Variants in CSMD1 observed in about 807,000 individuals in gnomAD.
The protein encoded by CSMD1 is CUB and sushi domain-containing protein 1.
A neutral mutation model predicts 417.5 loss-of-function variants in CSMD1; 213 were observed. The ratio of observed to expected loss-of-function variants is 0.51; its 90% CI spans 0.46 to 0.57. The LOEUF is 0.57. CSMD1 is among the 20% of genes least tolerant of loss of function. The pLI, the probability that CSMD1 is intolerant of heterozygous loss-of-function variation, is 0.00. For synonymous variants in CSMD1, 2,862 were observed against 1,736.8 expected (o/e 1.65, Z -16.11); for missense variants, 6,923 against 4,529.7 (o/e 1.53, Z -15.17).
chr8:3,688,937 GTAAT>G (rs1800088792), intron 7 of CSMD1, among the ~76,000 whole-genome samples: 2 of 152,076 alleles, frequency 1.3e-5, no homozygotes, highest in Non-Finnish European at 2.9e-5. Context: ...TGAAAATTAA[GTAAT>G]TAAATGAATG....
chr8:3,076,464 G>T (rs1813697079), intron 49 of CSMD1, among the ~76,000 whole-genome samples: 1 of 86,826 alleles, frequency 1.2e-5, no homozygotes, highest in Non-Finnish European at 2.4e-5. Context: ...TTTTTGAGGG[G>T]ACTCAATTCA....
chr8:3,770,856 G>C (rs1002738359), intron 5 of CSMD1, among the ~76,000 whole-genome samples: 1 of 152,142 alleles, frequency 6.6e-6, no homozygotes, highest in African/African-American at 2.4e-5. Flanking sequence ...AAAAACAAAT[G>C]GTCCTGTAGC....
intron 60 of CSMD1, 104 bp from the exon 61 acceptor site, chr8:2,962,743 T>A: frequency 1.6e-6 from 2 of 1,241,284 alleles, no homozygotes; most frequent in Non-Finnish European, 2.2e-6. Flanking sequence ...CTTTAACTAT[T>A]AAACAAGAAA....
chr8:4,455,121 C>T (rs571034489), intron 2 of CSMD1, among the ~76,000 whole-genome samples: 12 of 152,126 alleles, frequency 7.9e-5, no homozygotes, highest in Admixed American at 2.6e-4. Flanking sequence ...TAAAGGATGA[C>T]GGATATCAAA....
chr8:4,307,016 C>T lies in CSMD1; in HGVS notation c.415+112937G>A, dbSNP rs111282914. ...TCACCGCCCTGGTTCAGCCCCTCTT[C>T]GTCGCCTGCACCATGTCCACTGTGG... On this transcript the variant is annotated intron_variant, in intron 3 of 69. Coordinates refer to ENST00000635120, the MANE Select transcript of CSMD1 (RefSeq NM_033225.6). Among the ~76,000 whole-genome samples the T allele has an allele frequency of 4.6e-5, 7 of 152,214 alleles. No homozygotes were observed. The South Asian group carries it at 6.2e-4, about 14-fold the overall frequency.
chr8:3,869,368 T>C (rs966912005), intron 5 of CSMD1, among the ~76,000 whole-genome samples: 2 of 152,216 alleles, frequency 1.3e-5, no homozygotes, highest in African/African-American at 4.8e-5. Context: ...AATTATATAA[T>C]ACATAGAGAC....
intron 2 of CSMD1, among the ~76,000 whole-genome samples, chr8:4,573,636 A>T (rs1798995833): frequency 6.6e-6 from 1 of 152,094 alleles, no homozygotes; most frequent in Non-Finnish European, 1.5e-5. Flanking sequence ...TTCCCTTAGC[A>T]GAGCTTGAGT....
intron 5 of CSMD1, among the ~76,000 whole-genome samples, chr8:3,980,476 C>T (rs1293546781): frequency 6.6e-6 from 1 of 152,064 alleles, no homozygotes; most frequent in Admixed American, 6.5e-5. Flanking sequence ...TTTTGCCAAA[C>T]TTCCTCACAA....
chr8:4,135,201 G>C (rs1407777661), intron 3 of CSMD1, among the ~76,000 whole-genome samples: 3 of 152,040 alleles, frequency 2.0e-5, no homozygotes, highest in Admixed American at 2.0e-4. Flanking sequence ...ATCACTTCAG[G>C]ACCAACAATG....
intron 52 of CSMD1, among the ~76,000 whole-genome samples, chr8:3,005,024 A>T (rs993672389): frequency 8.5e-5 from 13 of 152,192 alleles, no homozygotes; most frequent in African/African-American, 2.9e-4. Flanking sequence ...CTGTAGTCCC[A>T]GCTGCTCGGG....
At position 4,446,725 on chromosome 8, in the gene CSMD1, G is replaced by C. The variant is rs537617860; in HGVS notation, c.303-26660C>G. 2.2e-5 allele frequency among the ~76,000 whole-genome samples: 3 copies of C among 139,100 alleles called. No individual in the cohort carries two copies. In the South Asian group the frequency reaches 7.2e-4, roughly 33 times the overall value. The allele number at this position is 139,100 out of a possible 152,430, so 91.3% of individuals were successfully genotyped here. On this transcript the variant is annotated intron_variant, in intron 2 of 69. Coordinates refer to ENST00000635120, the MANE Select transcript of CSMD1 (RefSeq NM_033225.6). ...CCACCACCATGCCTGAGTTGTGTGT[G>C]TGTGTGTCTGTGTGTGTGTGTGTGT...
chr8:3,052,783 T>A, intron 49 of CSMD1, 136 bp from the exon 50 acceptor site: 1 of 553,666 alleles, frequency 1.8e-6, no homozygotes, highest in Non-Finnish European at 2.7e-6. Flanking sequence ...TTTTTTTTCT[T>A]TCTTTTTTTT....
chr8:3,007,176 C>A (rs1227076901), intron 52 of CSMD1, among the ~76,000 whole-genome samples: 3 of 149,858 alleles, frequency 2.0e-5, no homozygotes, highest in African/African-American at 7.5e-5. Flanking sequence ...TGAAAAAATG[C>A]TCATCATCAC....
intron 3 of CSMD1, among the ~76,000 whole-genome samples, chr8:4,330,279 C>T (rs1186639629): frequency 7.3e-6 from 1 of 137,018 alleles, no homozygotes; most frequent in Non-Finnish European, 1.7e-5. Context: ...TACTCTTCTA[C>T]AAAGTAACAC....
At chr8:4,729,861 T>C (rs903058512) in intron 1 of CSMD1, among the ~76,000 whole-genome samples, 2 of 152,216 alleles carry the variant, frequency 1.3e-5, no homozygotes, top group African/African-American at 2.4e-5. Context: ...CTAATCTTTC[T>C]TTTGAATTCC....
At chr8:4,556,459 T>C (rs1442044384) in intron 2 of CSMD1, among the ~76,000 whole-genome samples, 2 of 152,282 alleles carry the variant, frequency 1.3e-5, no homozygotes, top group South Asian at 2.1e-4. Context: ...ACTGTGCTCA[T>C]ATTGCTTGCT....
At chr8:4,528,441 C>T (rs1043598669) in intron 2 of CSMD1, among the ~76,000 whole-genome samples, 10 of 152,274 alleles carry the variant, frequency 6.6e-5, no homozygotes, top group Admixed American at 5.2e-4. Context: ...ATATCTACCA[C>T]AGATATGAAA....
intron 7 of CSMD1, among the ~76,000 whole-genome samples, chr8:3,636,478 C>T (rs1489673162): frequency 1.3e-5 from 2 of 152,178 alleles, no homozygotes; most frequent in Admixed American, 6.5e-5. Context: ...TCTCCTGTCC[C>T]TGGAAGTAAA....
intron 1 of CSMD1, among the ~76,000 whole-genome samples, chr8:4,971,653 C>G (rs918976867): frequency 3.3e-5 from 5 of 150,698 alleles, no homozygotes; most frequent in Admixed American, 2.7e-4. Context: ...CTTATTCTTA[C>G]TTCCTTGCAC....
Sources: gnomAD v4.1 joint callset for allele counts (sites outside exome capture counted in the v4.1 genomes callset) on GRCh38, gnomAD v4.1.1 for gene constraint, MANE v1.5 for transcripts, NCBI Gene and HGNC (gene_info 2026-07-23, HGNC 2026-07-21) for gene names.